ICE1: variants seen among roughly 807,000 people sequenced by gnomAD.
The protein encoded by ICE1 is interactor of little elongation complex ELL subunit 1.
ICE1 carries 64 observed loss-of-function variants against 192.7 expected under a neutral mutation model. The ratio of observed to expected loss-of-function variants is 0.33; its 90% confidence interval spans 0.27 to 0.41. The LOEUF (loss-of-function observed/expected upper bound fraction) is 0.41, where lower values mean the gene tolerates loss of function less well. Ranked by LOEUF, ICE1 falls within the 10% of genes least tolerant of loss-of-function variation. The pLI is 1.00. For missense variants in ICE1, 2,708 were observed against 2,696.0 expected (o/e 1.00, Z -0.10); for synonymous variants, 1,010 against 984.5 (o/e 1.03, Z -0.49).
intron 15 of ICE1, 22 bp downstream of exon 15, chr5:5,469,010 T>TA: frequency 6.9e-7 from 1 of 1,444,984 alleles, no homozygotes; most frequent in Non-Finnish European, 9.2e-7. Context: ...TTCTGTTTCT[T>TA]ACAGTATCTT....
At chr5:5,486,619 G>C in intron 17 of ICE1, 102 bp from the exon 18 acceptor site, 1 of 716,618 alleles carries the variant, frequency 1.4e-6, no homozygotes, top group East Asian at 2.7e-5. Context: ...AAATGATGAG[G>C]CATTTTGATC....
chr5:5,463,048 A>G lies in ICE1; in HGVS notation c.3714A>G (p.Ser1238=), dbSNP rs965234631. 3 of 1,613,764 alleles carry G rather than the reference A, an allele frequency of 1.9e-6. No individual in the cohort carries two copies. Among genetic ancestry groups the G allele is most frequent in the East Asian group, 4.5e-5 (2 of 44,892 alleles). ...GAACCTGTGAAGAGTGGATTGAATC[A>G]GAGGAAGATGATTATTCGTTAAAAA... is the stretch of plus-strand genomic sequence containing the variant. ...TLGTCEEWIE[S]EEDDYSLKNT... Residue 1238 remains serine (S), a synonymous_variant, in exon 13 of 19, where the codon TCA becomes TCG. Transcript: ENST00000296564.
rs550310264 is a variant in ICE1 at position 5,463,260 on chromosome 5, C to T, written c.3926C>T (p.Thr1309Ile). The T allele has an allele frequency of 9.6e-5, 155 of 1,613,260 alleles. 2 individuals are homozygous for T. In the South Asian group the frequency reaches 1.6e-3, roughly 16 times the overall value. Residue 1309 changes from threonine to isoleucine, a missense_variant, in exon 13 of 19, where the codon ACT (threonine) becomes ATT (isoleucine). By Grantham distance (89) the Thr-to-Ile change is moderately conservative (BLOSUM62 -1). Coordinates refer to ENST00000296564, the MANE Select transcript of ICE1 (RefSeq NM_015325.3). ...LKEKSPFRET[T>I]GSSSHASEPT... The stretch of plus-strand genomic sequence containing the variant: ...GAGAAAAGTCCATTTCGGGAAACGA[C>T]TGGCTCCTCATCACATGCTTCAGAA...
intron 10 of ICE1, 44 bp downstream of exon 10, chr5:5,447,941 T>C: frequency 6.9e-7 from 1 of 1,443,162 alleles, no homozygotes; most frequent in Non-Finnish European, 9.5e-7. Context: ...GTATTGCTCT[T>C]AGTGGGTTGT....
At chr5:5,431,663 T>C (rs1253575306) in intron 1 of ICE1, among the ~76,000 whole-genome samples, 1 of 152,234 alleles carries the variant, frequency 6.6e-6, no homozygotes, top group South Asian at 2.1e-4. Context: ...TGTGTATCAC[T>C]TGATGCCTTT....
chr5:5,459,335 G>A (rs1738684361), intron 12 of ICE1, among the ~76,000 whole-genome samples: 1 of 152,158 alleles, frequency 6.6e-6, no homozygotes, highest in African/African-American at 2.4e-5. Context: ...TTGAAAAATA[G>A]CAAATATAAG....
chr5:5,459,195 C>A (rs1028847398), intron 12 of ICE1, among the ~76,000 whole-genome samples: 1 of 152,110 alleles, frequency 6.6e-6, no homozygotes, highest in Non-Finnish European at 1.5e-5. Context: ...ATTTTTGATA[C>A]CTGAACCTAA....
chr5:5,461,939 A>G lies in ICE1; in HGVS notation c.2605A>G (p.Lys869Glu), dbSNP rs1427372148. 1.2e-6 allele frequency: 2 copies of G among 1,613,810 alleles called. No homozygotes were observed. The highest frequency in any genetic ancestry group is 1.7e-6 in the Non-Finnish European group (2 of 1,179,902). Residue 869 changes from lysine (K) to glutamate (E), a missense_variant, in exon 13 of 19, where the codon AAG becomes GAG. Around this residue, in one of 2 missense-constraint regions of ICE1, gnomAD observed 2,366 missense variants for 2,276.6 expected, o/e 1.04. Transcript: ENST00000296564. ...TATCACAAAACAGACAAGACCTGAA[A>G]AGGTTCAGAGTGCCAAATTGGAACA... ...SVITKQTRPE[K>E]VQSAKLEHLR...
chr5:5,479,591 T>G (rs531822865), intron 17 of ICE1, among the ~76,000 whole-genome samples: 2 of 152,324 alleles, frequency 1.3e-5, no homozygotes, highest in South Asian at 4.1e-4. Context: ...CTCACACTAG[T>G]GGGTATATAC....
rs772123251 is a variant in ICE1, at chr5:5,457,289, G to C, written c.692-43G>C. The C allele has an allele frequency of 5.7e-6, 8 of 1,409,834 alleles. 1 individual carries two copies. Among genetic ancestry groups the C allele is most frequent in the Middle Eastern group, 4.0e-4 (2 of 5,002 alleles). The allele number at this position is 1,409,834 out of a possible 1,614,324, so 87.3% of individuals were successfully genotyped here. A position where few individuals can be genotyped will look rare whatever the true frequency, so the allele number is the denominator to read the frequency against. ...TTCTTTTTTTTTTTTAAGTTTTCTT[G>C]ATATTGTAAATACCTGATACCTACT... is the stretch of plus-strand genomic sequence containing the variant. On this transcript the variant is annotated intron_variant, in intron 11 of 18. Transcript: ENST00000296564.
intron 10 of ICE1, among the ~76,000 whole-genome samples, chr5:5,452,810 A>G (rs1004844803): frequency 3.7e-4 from 56 of 152,234 alleles, no homozygotes; most frequent in African/African-American, 1.3e-3. Context: ...GCAATGAAGT[A>G]GAAAATAAAT....
At chr5:5,459,201 C>T (rs1477350035) in intron 12 of ICE1, among the ~76,000 whole-genome samples, 1 of 152,070 alleles carries the variant, frequency 6.6e-6, no homozygotes, top group Non-Finnish European at 1.5e-5. Flanking sequence ...GATACCTGAA[C>T]CTAAGTTGTG....
intron 7 of ICE1, among the ~76,000 whole-genome samples, 160 bp from the exon 8 acceptor site, chr5:5,447,267 G>A (rs1339481882): frequency 1.3e-5 from 2 of 152,098 alleles, no homozygotes; most frequent in Admixed American, 6.6e-5. Flanking sequence ...CAGCCCTGAC[G>A]ATAAAATATT....
Position 5,468,887 on chromosome 5 carries a change from C to A in ICE1, c.6121C>A (p.Leu2041Ile), listed in dbSNP as rs375083449. Residue 2041 changes from leucine to isoleucine, a missense_variant, in exon 15 of 19, where the codon CTC (leucine) becomes ATC (isoleucine). Physicochemically the swap from Leu to Ile is conservative, Grantham distance 5 (BLOSUM62 2). Coordinates refer to ENST00000296564, the MANE Select transcript of ICE1 (RefSeq NM_015325.3). ...FIANMWHDIF[L>I]SQSVINKAMQ... is the part of the protein sequence containing the mutation. The stretch of plus-strand genomic sequence containing the variant: ...TGCAAACATGTGGCATGATATATTT[C>A]TCTCTCAATCGGTGATTAATAAAGC... 6.2e-7 allele frequency: 1 copy of A among 1,604,982 alleles called. No individual in the cohort carries two copies. Among genetic ancestry groups the A allele is most frequent in the Non-Finnish European group, 8.5e-7 (1 of 1,176,104 alleles).
intron 15 of ICE1, among the ~76,000 whole-genome samples, chr5:5,473,288 CT>C (rs1739218878): frequency 6.6e-6 from 1 of 152,148 alleles, no homozygotes; most frequent in South Asian, 2.1e-4. Context: ...TGAAACTGTG[CT>C]TTCCTATCTG....
intron 17 of ICE1, among the ~76,000 whole-genome samples, chr5:5,483,759 G>C (rs904433988): frequency 1.3e-5 from 2 of 152,138 alleles, no homozygotes; most frequent in Non-Finnish European, 2.9e-5. Flanking sequence ...GTATTAACTG[G>C]AACCTAGAGC....
At chr5:5,480,249 C>CTTTTT (rs574170460) in intron 17 of ICE1, among the ~76,000 whole-genome samples, 18 of 129,920 alleles carry the variant, frequency 1.4e-4, no homozygotes, top group Middle Eastern at 3.8e-3. Flanking sequence ...TTTTCTTTTT[C>CTTTTT]TTTTTTTTTT....
At chr5:5,429,066 G>C (rs1231108481) in intron 1 of ICE1, among the ~76,000 whole-genome samples, 1 of 152,154 alleles carries the variant, frequency 6.6e-6, no homozygotes, top group East Asian at 1.9e-4. Flanking sequence ...GGGAAATCAG[G>C]CACAAGCTTC....
intron 10 of ICE1, among the ~76,000 whole-genome samples, chr5:5,449,727 C>T (rs1474641205): frequency 6.6e-6 from 1 of 152,190 alleles, no homozygotes; most frequent in Non-Finnish European, 1.5e-5. Context: ...TGCCAAGCTT[C>T]TGGTTTCAAA....
Sources: allele counts gnomAD v4.1 joint callset (sites outside exome capture counted in the v4.1 genomes callset), GRCh38; gene constraint gnomAD v4.1.1; regional missense constraint gnomAD v4.1.1; transcripts MANE v1.5; gene names NCBI Gene and HGNC (gene_info 2026-07-23, HGNC 2026-07-21).